Variants in ADGRB3 observed in about 807,000 individuals in gnomAD.
The protein encoded by ADGRB3 is brain-specific angiogenesis inhibitor 3.
A neutral mutation model predicts 193.4 loss-of-function variants in ADGRB3; 37 were observed. The ratio of observed to expected loss-of-function variants is 0.19; its 90% CI spans 0.15 to 0.25. The LOEUF (loss-of-function observed/expected upper bound fraction) is 0.25. Among genes scored for constraint, ADGRB3 ranks in the 10% least tolerant of loss-of-function variants. The probability of loss-of-function intolerance (pLI) is 1.00; values close to 1 mark genes in which losing one functional copy is unlikely to be tolerated. For synonymous variants in ADGRB3, 690 were observed against 644.2 expected, an observed-to-expected ratio of 1.07 and a Z score of -1.08; for missense variants, 1,637 against 1,852.9, an observed-to-expected ratio of 0.88 and a Z score of 2.14.
intron 7 of ADGRB3, 54 bp from the exon 8 acceptor site, chr6:68,956,591 T>C: frequency 6.3e-7 from 1 of 1,598,520 alleles, no homozygotes; most frequent in Non-Finnish European, 8.6e-7. Flanking sequence ...TTTTAAAATT[T>C]TTAAAGGAGT....
chr6:68,649,938 C>A lies in ADGRB3; in HGVS notation c.757+10506C>A, dbSNP rs189424213. 4.1e-4 allele frequency among the ~76,000 whole-genome samples: 62 copies of A among 152,204 alleles called. No homozygotes were observed. In the East Asian group the frequency reaches 9.1e-3, roughly 22 times the overall value. ...TTTAAGCCTATGGGCAGTAATGGCT[C>A]CCCACTGTTTCTAGCTCTGGGCACT... On this transcript the variant is annotated intron_variant, in intron 3 of 31. Coordinates refer to ENST00000370598, the MANE Select transcript of ADGRB3 (RefSeq NM_001704.3).
At chr6:68,900,257 A>G (rs1311652049) in intron 3 of ADGRB3, among the ~76,000 whole-genome samples, 3 of 152,156 alleles carry the variant, frequency 2.0e-5, no homozygotes, top group Non-Finnish European at 4.4e-5. Flanking sequence ...AAAAATGACC[A>G]TTTATTTTGA....
At chr6:68,761,204 C>T (rs557659233) in intron 3 of ADGRB3, among the ~76,000 whole-genome samples, 72 of 152,258 alleles carry the variant, frequency 4.7e-4, no homozygotes, top group African/African-American at 1.7e-3. Context: ...CTCCCCACCT[C>T]CAAGTCTCCA....
chr6:69,227,965 C>G (rs556617005), intron 17 of ADGRB3, among the ~76,000 whole-genome samples: 1 of 152,204 alleles, frequency 6.6e-6, no homozygotes, highest in Admixed American at 6.5e-5. Flanking sequence ...GGTAAAAGAT[C>G]ATTACATGGG....
At chr6:68,956,956 G>A in intron 8 of ADGRB3, 147 bp downstream of exon 8, 1 of 859,634 alleles carries the variant, frequency 1.2e-6, no homozygotes, top group Non-Finnish European at 1.7e-6. Context: ...TCTGTACTAT[G>A]TGGGGCATCC....
rs147279023 is a variant in ADGRB3 at position 68,775,524 on chromosome 6, G to A, written c.757+136092G>A. On this transcript the variant is annotated intron_variant, in intron 3 of 31. Transcript: ENST00000370598. The stretch of plus-strand genomic sequence containing the variant: ...TGTTTTCATGCCATACTTCCAAAGA[G>A]GGGCCCAAATCTCATGCTTGTCCTT... 2.3e-3 allele frequency among the ~76,000 whole-genome samples: 356 copies of A among 152,250 alleles called. 1 individual carries two copies. Among genetic ancestry groups the A allele is most frequent in the African/African-American group, 8.2e-3 (339 of 41,574 alleles).
intron 3 of ADGRB3, among the ~76,000 whole-genome samples, chr6:68,762,153 TCATCTTTTTC>T (rs1766404348): frequency 6.6e-6 from 1 of 152,116 alleles, no homozygotes; most frequent in African/African-American, 2.4e-5. Context: ...ATTTTAAAGG[TCATCTTTTTC>T]CACTCTTTTC....
intron 11 of ADGRB3, among the ~76,000 whole-genome samples, chr6:69,009,580 G>C (rs1186524766): frequency 6.6e-6 from 1 of 152,140 alleles, no homozygotes; most frequent in Admixed American, 6.6e-5. Flanking sequence ...TGGCCTTGCA[G>C]CCATCAACTA....
chr6:68,735,384 A>G (rs1333056905), intron 3 of ADGRB3, among the ~76,000 whole-genome samples: 1 of 151,970 alleles, frequency 6.6e-6, no homozygotes, highest in East Asian at 1.9e-4. Context: ...TACAATTGAG[A>G]GGAATTAAAT....
chr6:68,712,163 A>G (rs1471240534), intron 3 of ADGRB3, among the ~76,000 whole-genome samples: 7 of 152,058 alleles, frequency 4.6e-5, no homozygotes, highest in African/African-American at 1.7e-4. Context: ...TTTATGAAAC[A>G]GGAGTTGGAC....
intron 3 of ADGRB3, among the ~76,000 whole-genome samples, chr6:68,919,296 C>T (rs993719838): frequency 2.6e-5 from 4 of 151,948 alleles, no homozygotes; most frequent in Non-Finnish European, 5.9e-5. Flanking sequence ...ATTTATTCAT[C>T]AAATATTTAT....
intron 3 of ADGRB3, among the ~76,000 whole-genome samples, chr6:68,790,138 C>T (rs1174329967): frequency 6.6e-6 from 1 of 152,094 alleles, no homozygotes; most frequent in Admixed American, 6.5e-5. Context: ...CATCTGAAGC[C>T]TTCTTCTCTC....
chr6:69,341,094 A>G (rs1381383589), intron 26 of ADGRB3, among the ~76,000 whole-genome samples: 1 of 151,956 alleles, frequency 6.6e-6, no homozygotes, highest in African/African-American at 2.4e-5. Context: ...ATGTGTCTTT[A>G]TAGGAGAATG....
intron 17 of ADGRB3, among the ~76,000 whole-genome samples, chr6:69,119,296 T>C (rs1438540395): frequency 1.3e-5 from 2 of 152,178 alleles, no homozygotes; most frequent in East Asian, 3.8e-4. Flanking sequence ...ATTCATTCAT[T>C]CAGCAAATAT....
At chr6:68,746,635 A>T (rs1457885333) in intron 3 of ADGRB3, among the ~76,000 whole-genome samples, 1 of 149,232 alleles carries the variant, frequency 6.7e-6, no homozygotes, top group Non-Finnish European at 1.5e-5. Flanking sequence ...TTCACTCTCC[A>T]TTTCTAATAG....
intron 17 of ADGRB3, among the ~76,000 whole-genome samples, chr6:69,131,728 C>T (rs1038575014): frequency 7.2e-5 from 11 of 151,904 alleles, no homozygotes; most frequent in Non-Finnish European, 1.3e-4. Context: ...CTACACCCAT[C>T]GACCTGTTAT....
intron 3 of ADGRB3, among the ~76,000 whole-genome samples, chr6:68,900,498 G>A (rs1304520201): frequency 2.0e-5 from 3 of 152,112 alleles, no homozygotes; most frequent in Non-Finnish European, 1.5e-5. Flanking sequence ...AAGATATCTA[G>A]CTCATCAAAG....
chr6:68,882,316 G>T (rs1345646627), intron 3 of ADGRB3, among the ~76,000 whole-genome samples: 1 of 152,082 alleles, frequency 6.6e-6, no homozygotes, highest in African/African-American at 2.4e-5. Flanking sequence ...TATGTAGTTT[G>T]CATACAAATA....
chr6:69,344,363 TA>T (rs1264311613), intron 26 of ADGRB3, among the ~76,000 whole-genome samples: 1 of 152,144 alleles, frequency 6.6e-6, no homozygotes, highest in East Asian at 1.9e-4. Flanking sequence ...ATGCTTAAAA[TA>T]AAAAACTTTT....
Sources: allele counts gnomAD v4.1 joint callset (sites outside exome capture counted in the v4.1 genomes callset), GRCh38; gene constraint gnomAD v4.1.1; transcripts MANE v1.5; gene names NCBI Gene and HGNC (gene_info 2026-07-23, HGNC 2026-07-21).